PCDH15: variants seen among roughly 807,000 people sequenced by gnomAD.
PCDH15 encodes protocadherin related 15, also known as protocadherin-15.
A neutral mutation model predicts 178.5 loss-of-function variants in PCDH15; 129 were observed. The observed-to-expected ratio is 0.72, with a 90% confidence interval of 0.63 to 0.84. The LOEUF (loss-of-function observed/expected upper bound fraction) is 0.84. Ranked by LOEUF, PCDH15 falls within the 40% of genes least tolerant of loss-of-function variation. The probability of loss-of-function intolerance (pLI) is 0.00; values close to 1 mark genes in which losing one functional copy is unlikely to be tolerated. For synonymous variants in PCDH15, 800 were observed against 732.0 expected, an observed-to-expected ratio of 1.09 and a Z score of -1.50; for missense variants, 2,230 against 2,099.9, an observed-to-expected ratio of 1.06 and a Z score of -1.21.
At chr10:54,272,042 T>A (rs1241241288) in intron 8 of PCDH15, among the ~76,000 whole-genome samples, 3 of 108,470 alleles carry the variant, frequency 2.8e-5, no homozygotes, top group African/African-American at 7.9e-5. Context: ...ATATATTATA[T>A]ATATATATAA....
chr10:54,181,774 C>G (rs567906465), intron 13 of PCDH15, among the ~76,000 whole-genome samples: 33 of 152,126 alleles, frequency 2.2e-4, no homozygotes, highest in Non-Finnish European at 4.4e-4. Context: ...CGTTTTTTCT[C>G]TCTTTACCAA....
chr10:54,467,110 T>A (rs756515452), intron 3 of PCDH15, among the ~76,000 whole-genome samples: 46 of 151,914 alleles, frequency 3.0e-4, no homozygotes, highest in Non-Finnish European at 5.9e-4. Flanking sequence ...AGAGGAAAAA[T>A]TTAACTTTTT....
chr10:55,217,562 T>C (rs1316458018), intron 1 of PCDH15, among the ~76,000 whole-genome samples: 1 of 151,688 alleles, frequency 6.6e-6, no homozygotes, highest in Non-Finnish European at 1.5e-5. Context: ...ATTCATGTGC[T>C]TTAAAAATAA....
At chr10:54,109,734 G>T (rs568645090) in intron 15 of PCDH15, among the ~76,000 whole-genome samples, 1 of 152,076 alleles carries the variant, frequency 6.6e-6, no homozygotes, top group South Asian at 2.1e-4. Context: ...ATAGTTAATG[G>T]GTACAAAACA....
At chr10:54,515,493 T>A (rs1432952545) in intron 3 of PCDH15, among the ~76,000 whole-genome samples, 1 of 152,238 alleles carries the variant, frequency 6.6e-6, no homozygotes, top group Non-Finnish European at 1.5e-5. Flanking sequence ...AAACTGGAAC[T>A]CGGTGGAGCC....
At chr10:55,195,586 C>T (rs563439273) in intron 1 of PCDH15, among the ~76,000 whole-genome samples, 11 of 144,464 alleles carry the variant, frequency 7.6e-5, no homozygotes, top group East Asian at 4.1e-4. Flanking sequence ...ACCCGGAAGG[C>T]GGAGGATGTA....
At chr10:54,155,702 CAGG>C (rs1240707799) in intron 13 of PCDH15, among the ~76,000 whole-genome samples, 2 of 149,022 alleles carry the variant, frequency 1.3e-5, no homozygotes, top group African/African-American at 2.5e-5. Flanking sequence ...TCAACATTAG[CAGG>C]AGAATTGCTT....
chr10:54,680,417 C>T (rs2094877657), intron 1 of PCDH15, among the ~76,000 whole-genome samples: 1 of 151,802 alleles, frequency 6.6e-6, no homozygotes, highest in South Asian at 2.1e-4. Context: ...CTCTTTTCAC[C>T]TTGTTTGAAA....
intron 3 of PCDH15, among the ~76,000 whole-genome samples, chr10:54,499,027 A>G (rs927606480): frequency 2.6e-5 from 4 of 152,144 alleles, no homozygotes; most frequent in African/African-American, 9.7e-5. Context: ...ATCCGCTCCC[A>G]TGATCCAATC....
At chr10:54,429,424 A>T (rs533366304) in intron 3 of PCDH15, among the ~76,000 whole-genome samples, 9 of 152,288 alleles carry the variant, frequency 5.9e-5, no homozygotes, top group African/African-American at 1.9e-4. Flanking sequence ...GGAAGTGAAG[A>T]CCACAAAATC....
intron 7 of PCDH15, among the ~76,000 whole-genome samples, chr10:54,325,446 C>T (rs1331060086): frequency 6.6e-6 from 1 of 151,864 alleles, no homozygotes; most frequent in African/African-American, 2.4e-5. Flanking sequence ...TGCATACCAC[C>T]AACACAATAT....
chr10:54,024,663 G>GA (rs1298357380), intron 18 of PCDH15, among the ~76,000 whole-genome samples: 1 of 152,116 alleles, frequency 6.6e-6, no homozygotes, highest in Non-Finnish European at 1.5e-5. Context: ...TTAATTCTGA[G>GA]AAAAGATAGA....
At chr10:55,379,921 T>C (rs1365343056) in intron 2 of PCDH15, among the ~76,000 whole-genome samples, 2 of 152,002 alleles carry the variant, frequency 1.3e-5, no homozygotes, top group African/African-American at 2.4e-5. Context: ...CTAAGGGTAC[T>C]AAAGAGTAAA....
chr10:54,870,551 C>T (rs1289846610), intron 3 of PCDH15, among the ~76,000 whole-genome samples: 2 of 152,134 alleles, frequency 1.3e-5, no homozygotes, highest in Admixed American at 6.5e-5. Context: ...TTCAGGAGGC[C>T]GAGGTGGGCG....
intron 1 of PCDH15, among the ~76,000 whole-genome samples, chr10:54,757,783 T>C (rs1253305074): frequency 6.6e-6 from 1 of 152,156 alleles, no homozygotes; most frequent in Non-Finnish European, 1.5e-5. Context: ...ATTGCAATTA[T>C]GAATTTAGGT....
At chr10:53,855,848 C>T (rs2078686414) in intron 28 of PCDH15, among the ~76,000 whole-genome samples, 1 of 142,676 alleles carries the variant, frequency 7.0e-6, no homozygotes, top group Admixed American at 7.3e-5. Context: ...ATGTAACAAG[C>T]ATGCATGTTC....
intron 2 of PCDH15, among the ~76,000 whole-genome samples, chr10:54,535,681 G>A (rs1246641925): frequency 1.7e-5 from 2 of 120,038 alleles, no homozygotes; most frequent in African/African-American, 3.2e-5. Context: ...CTGCACTCCA[G>A]CCTGGCAGAC....
chr10:54,395,102 C>T (rs1198902992), intron 3 of PCDH15, among the ~76,000 whole-genome samples: 1 of 152,070 alleles, frequency 6.6e-6, no homozygotes, highest in South Asian at 2.1e-4. Context: ...TAATTACATC[C>T]TCCTCAGCTG....
intron 2 of PCDH15, among the ~76,000 whole-genome samples, chr10:55,431,962 G>T (rs10430485): frequency 2.0e-5 from 3 of 151,992 alleles, no homozygotes; most frequent in Admixed American, 2.0e-4. Context: ...AAGCTCTAGG[G>T]AGATTGTAGT....
Sources: allele counts gnomAD v4.1 joint callset (sites outside exome capture counted in the v4.1 genomes callset), GRCh38; gene constraint gnomAD v4.1.1; transcripts MANE v1.5; gene names NCBI Gene and HGNC (gene_info 2026-07-23, HGNC 2026-07-21).